Variants in ORC5 observed in about 807,000 individuals in gnomAD.
ORC5 encodes origin recognition complex subunit 5, also known as protein phosphatase 1, regulatory subunit 117.
In ORC5, 39 loss-of-function variants were observed where a neutral mutation model predicts 58.8. The ratio of observed to expected loss-of-function variants is 0.66; its 90% CI spans 0.51 to 0.87. The LOEUF (loss-of-function observed/expected upper bound fraction) is 0.87, where lower values mean the gene tolerates loss of function less well. Among genes scored for constraint, ORC5 ranks in the 40% least tolerant of loss-of-function variants. The pLI, the probability that ORC5 is intolerant of heterozygous loss-of-function variation, is 0.00. For missense variants in ORC5, 493 were observed against 506.3 expected, an observed-to-expected ratio of 0.97 and a Z score of 0.25; for synonymous variants, 218 against 177.6, an observed-to-expected ratio of 1.23 and a Z score of -1.81.
chr7:104,188,197 C>A (rs1002520445), intron 6 of ORC5, 54 bp downstream of exon 6: 2 of 690,014 alleles, frequency 2.9e-6, no homozygotes, highest in African/African-American at 3.5e-5. Context: ...TATATGTATA[C>A]ACACACACAC....
chr7:104,159,902 A>C (rs1376258891), intron 12 of ORC5, among the ~76,000 whole-genome samples: 1 of 152,230 alleles, frequency 6.6e-6, no homozygotes, highest in Admixed American at 6.5e-5. Context: ...GAAAGCTATT[A>C]ATAAAAGGTA....
chr7:104,130,174 T>C (rs1214648043), intron 13 of ORC5, among the ~76,000 whole-genome samples: 1 of 152,180 alleles, frequency 6.6e-6, no homozygotes, highest in Non-Finnish European at 1.5e-5. Context: ...AATGTGTAAC[T>C]ACCATTCACA....
intron 8 of ORC5, among the ~76,000 whole-genome samples, chr7:104,180,847 A>C (rs1032499939): frequency 6.6e-6 from 1 of 152,216 alleles, no homozygotes; most frequent in Non-Finnish European, 1.5e-5. Flanking sequence ...TGCCACAAAA[A>C]TCATCAAATT....
intron 8 of ORC5, among the ~76,000 whole-genome samples, chr7:104,169,783 T>G (rs1179573188): frequency 2.0e-5 from 3 of 152,182 alleles, no homozygotes; most frequent in Non-Finnish European, 4.4e-5. Flanking sequence ...ACAAGTTTAA[T>G]TTTCCCCTTT....
intron 9 of ORC5, chr7:104,168,247 A>G: frequency 9.1e-7 from 1 of 1,095,024 alleles, no homozygotes; most frequent in Non-Finnish European, 1.2e-6. Flanking sequence ...GATATAATCC[A>G]ATATTTAGAA....
chr7:104,186,004 G>A (rs1156422085), intron 6 of ORC5, among the ~76,000 whole-genome samples: 2 of 151,988 alleles, frequency 1.3e-5, no homozygotes, highest in Non-Finnish European at 2.9e-5. Context: ...ATTCTACTAA[G>A]TGTAGAGAAG....
rs1044070480 is a variant in ORC5 at position 104,198,274 on chromosome 7, G to T, written c.367-475C>A. ...ACAGGATGGAGGGCTCAGAAGACAG[G>T]AAGAAATGGGAAAGTTTGCAACTTC... is the stretch of plus-strand genomic sequence containing the variant. On this transcript the variant is annotated intron_variant, in intron 3 of 13. Transcript: ENST00000297431. 5.9e-5 allele frequency among the ~76,000 whole-genome samples: 9 copies of T among 152,228 alleles called. 1 individual carries two copies. Among genetic ancestry groups the T allele is most frequent in the Middle Eastern group, 6.3e-3 (2 of 316 alleles).
At chr7:104,171,785 G>A (rs1040297517) in intron 8 of ORC5, among the ~76,000 whole-genome samples, 1 of 152,068 alleles carries the variant, frequency 6.6e-6, no homozygotes, top group African/African-American at 2.4e-5. Context: ...ACCTAGGGAG[G>A]TTGAGGCTGC....
At chr7:104,160,337 C>A (rs936544619) in intron 12 of ORC5, among the ~76,000 whole-genome samples, 3 of 152,102 alleles carry the variant, frequency 2.0e-5, no homozygotes, top group South Asian at 4.1e-4. Flanking sequence ...TATTTCTCAA[C>A]CTAAAAATGC....
intron 8 of ORC5, among the ~76,000 whole-genome samples, chr7:104,171,317 T>C (rs1331122345): frequency 6.6e-6 from 1 of 152,236 alleles, no homozygotes; most frequent in Non-Finnish European, 1.5e-5. Flanking sequence ...TGTTGTCTTT[T>C]ATTCATTTTG....
At chr7:104,141,560 C>G (rs1379824648) in intron 12 of ORC5, among the ~76,000 whole-genome samples, 1 of 152,156 alleles carries the variant, frequency 6.6e-6, no homozygotes, top group Non-Finnish European at 1.5e-5. Context: ...CTTTCAGCCA[C>G]ACAGGGATGT....
At position 104,133,891 on chromosome 7, in the gene ORC5, G is replaced by A. The variant is rs1356112093; in HGVS notation, c.1262+2890C>T. 6.6e-6 allele frequency among the ~76,000 whole-genome samples: 1 copy of A among 152,120 alleles called. No homozygotes were observed. Among genetic ancestry groups the A allele is most frequent in the Non-Finnish European group, 1.5e-5 (1 of 68,022 alleles). On this transcript the variant is annotated intron_variant, in intron 13 of 13. Coordinates refer to ENST00000297431, the MANE Select transcript of ORC5 (RefSeq NM_002553.4). The surrounding 1 kb of genome is among the most constrained non-coding windows in gnomAD (Gnocchi z 4.7). ...TCAGGTGCCACTGAGAGGACAAACA[G>A]CCGAGACTAACAAAGGTTCTGGGAA...
rs1480971646 is a variant in ORC5, at chr7:104,154,612, T to C, written c.1149+6460A>G. On this transcript the variant is annotated intron_variant, in intron 12 of 13. Coordinates refer to ENST00000297431, the MANE Select transcript of ORC5 (RefSeq NM_002553.4). ...TCTGTATTCTCTTTATCCAAGACAATGCCTGAAACATAGTAGACACTTAGT... is the reference window on the plus strand; with the variant it reads ...TCTGTATTCTCTTTATCCAAGACAACGCCTGAAACATAGTAGACACTTAGT... Among the ~76,000 whole-genome samples, 5 of 151,906 alleles carry C rather than the reference T, an allele frequency of 3.3e-5. No individual in the cohort carries two copies. The East Asian group carries it at 5.8e-4, about 18-fold the overall frequency.
intron 5 of ORC5, among the ~76,000 whole-genome samples, chr7:104,193,317 T>C (rs770455887): frequency 6.6e-6 from 1 of 152,108 alleles, no homozygotes; most frequent in Non-Finnish European, 1.5e-5. Context: ...GTACAAATGT[T>C]CTTAGGTAGG....
intron 12 of ORC5, among the ~76,000 whole-genome samples, chr7:104,152,688 TAAATA>T: frequency 6.6e-6 from 1 of 152,294 alleles, no homozygotes; most frequent in South Asian, 2.1e-4. Flanking sequence ...TCTGCCAAGT[TAAATA>T]AAATTTATTG....
At chr7:104,160,556 G>GT (rs957695072) in intron 12 of ORC5, among the ~76,000 whole-genome samples, 3 of 151,284 alleles carry the variant, frequency 2.0e-5, no homozygotes, top group Non-Finnish European at 4.4e-5. Flanking sequence ...TTAACTACTT[G>GT]TTTTTTTTAA....
chr7:104,195,191 T>C lies in ORC5; in HGVS notation c.505A>G (p.Thr169Ala). 6.3e-7 allele frequency: 1 copy of C among 1,578,070 alleles called. No individual in the cohort carries two copies. Among genetic ancestry groups the C allele is most frequent in the Non-Finnish European group, 8.6e-7 (1 of 1,167,008 alleles). ...AAGACAAACGGCTCAAAGCATCCAG[T>C]ATTTGGACGAAACTTTTCCCAAACA... Reference protein sequence around the residue: ...EIVWEKFRPNTGCFEPFVLYF... With the variant: ...EIVWEKFRPNAGCFEPFVLYF... The change falls in exon 5 of 14, where the codon ACT (threonine) becomes GCT (alanine). Residue 169 changes from threonine to alanine, a missense_variant. Thr to Ala is a moderately conservative substitution (Grantham distance 58, BLOSUM62 0). Transcript: ENST00000297431.
chr7:104,155,126 A>G (rs768022835), intron 12 of ORC5, among the ~76,000 whole-genome samples: 12 of 151,840 alleles, frequency 7.9e-5, no homozygotes, highest in Non-Finnish European at 1.2e-4. Flanking sequence ...CAATAAATAA[A>G]ACCTCCGTAA....
At position 104,138,777 on chromosome 7, in the gene ORC5, T is replaced by C. The variant is rs994787065; in HGVS notation, c.1150-1884A>G. On this transcript the variant is annotated intron_variant, in intron 12 of 13. Transcript: ENST00000297431. This position sits in a 1 kb window ranked among gnomAD's most constrained non-coding sequence, Gnocchi z 4.7. ...TGCACCTGCCTAGCCTCCCAAAGTG[T>C]TGGGATTAGAGGCGTGAGCCCCCGC... Among the ~76,000 whole-genome samples the C allele has an allele frequency of 6.6e-6, 1 of 152,142 alleles. No homozygotes were observed. The highest frequency in any genetic ancestry group is 1.5e-5 in the Non-Finnish European group (1 of 68,020).
Sources: gnomAD v4.1 joint callset for allele counts (sites outside exome capture counted in the v4.1 genomes callset) on GRCh38, gnomAD v4.1.1 for gene constraint, Gnocchi (gnomAD v3.1) non-coding constraint, MANE v1.5 for transcripts, NCBI Gene and HGNC (gene_info 2026-07-23, HGNC 2026-07-21) for gene names.